AVEN: variants seen among roughly 807,000 people sequenced by gnomAD.
AVEN encodes the protein cell death regulator Aven.
Under a neutral mutation model 38.1 loss-of-function variants are expected in AVEN, and 41 were observed. That is an observed-to-expected ratio of 1.08 (90% CI 0.84 to 1.40). The LOEUF is 1.40. Ranked by LOEUF, AVEN falls within the 40% of genes most tolerant of loss-of-function variation. The probability of loss-of-function intolerance (pLI) is 0.00; values close to 1 mark genes in which losing one functional copy is unlikely to be tolerated. For synonymous variants in AVEN, 206 were observed against 171.8 expected, an observed-to-expected ratio of 1.20 and a Z score of -1.56; for missense variants, 605 against 438.8, an observed-to-expected ratio of 1.38 and a Z score of -3.38.
Position 34,063,072 on chromosome 15 carries a change from A to G in AVEN, n.1487T>C. On this transcript the variant is annotated non_coding_transcript_exon_variant, in exon 5 of 12. Transcript: ENST00000675287. This position sits in a 1 kb window ranked among gnomAD's most constrained non-coding sequence, Gnocchi z 4.1. ...CTACGTGGCCAGCAACGCTTCTGTC[A>G]TGAACCTTCTGGTGATCAGTTTTGA... 1 of 1,614,186 alleles carries G rather than the reference A, an allele frequency of 6.2e-7. No homozygotes were observed. The highest frequency in any genetic ancestry group is 8.5e-7 in the Non-Finnish European group (1 of 1,180,042).
intron 2 of AVEN, among the ~76,000 whole-genome samples, chr15:33,967,572 G>C (rs1448107222): frequency 1.3e-5 from 2 of 151,818 alleles, no homozygotes; most frequent in Admixed American, 6.6e-5. Context: ...TTATTTTTCA[G>C]AGTTTTGTGT....
intron 1 of AVEN, among the ~76,000 whole-genome samples, chr15:34,013,154 T>C (rs1237919656): frequency 1.3e-5 from 2 of 151,922 alleles, no homozygotes; most frequent in Admixed American, 6.6e-5. Flanking sequence ...CTCTGCCTCC[T>C]GGGTTCAAGC....
chr15:33,882,194 CAAT>C (rs1891514403), intron 2 of AVEN, among the ~76,000 whole-genome samples: 1 of 152,220 alleles, frequency 6.6e-6, no homozygotes, highest in South Asian at 2.1e-4. Flanking sequence ...GCTTAAAAAA[CAAT>C]AAAAATCCCA....
At chr15:33,921,887 G>A (rs114685923) in intron 2 of AVEN, among the ~76,000 whole-genome samples, 1,658 of 152,242 alleles carry the variant, frequency 0.011, 24 homozygotes, top group African/African-American at 0.038. Flanking sequence ...GGGAAAAAAT[G>A]GTTAGCAGCA....
chr15:33,948,685 GT>G (rs1178413170), intron 2 of AVEN, among the ~76,000 whole-genome samples: 1 of 151,758 alleles, frequency 6.6e-6, no homozygotes, highest in Non-Finnish European at 1.5e-5. Flanking sequence ...TTGTTTATTT[GT>G]TTTTAAGACA....
At chr15:33,945,231 C>T (rs1334815030) in intron 2 of AVEN, among the ~76,000 whole-genome samples, 1 of 152,116 alleles carries the variant, frequency 6.6e-6, no homozygotes, top group Non-Finnish European at 1.5e-5. Flanking sequence ...AAGAACAAGC[C>T]CACTTCCCTT....
intron 1 of AVEN, among the ~76,000 whole-genome samples, chr15:34,015,487 A>AT (rs1200249699): frequency 6.8e-6 from 1 of 146,622 alleles, no homozygotes; most frequent in African/African-American, 2.6e-5. Flanking sequence ...ATCTCAAAAA[A>AT]TAAAAAAAAA....
intron 2 of AVEN, among the ~76,000 whole-genome samples, chr15:33,912,248 A>G (rs1892944783): frequency 1.3e-5 from 2 of 152,230 alleles, no homozygotes; most frequent in African/African-American, 2.4e-5. Context: ...AGGCATAAAT[A>G]TTAGTGCTCC....
At chr15:34,042,388 T>A (rs1210066053), upstream of AVEN, among the ~76,000 whole-genome samples, 1 of 151,164 alleles carries the variant, frequency 6.6e-6, no homozygotes, top group Non-Finnish European at 1.5e-5. Context: ...AATACATACA[T>A]GACCTAAGTT....
intron 1 of AVEN, among the ~76,000 whole-genome samples, chr15:34,023,226 C>G (rs190438192): frequency 6.6e-6 from 1 of 152,110 alleles, no homozygotes; most frequent in Admixed American, 6.6e-5. Flanking sequence ...CCCCTCTCAT[C>G]CCCCACTCAG....
intron 2 of AVEN, among the ~76,000 whole-genome samples, chr15:33,967,275 T>C (rs1054678496): frequency 6.6e-6 from 1 of 152,124 alleles, no homozygotes; most frequent in African/African-American, 2.4e-5. Context: ...GTGTATACTT[T>C]GTCTGGATTC....
chr15:33,888,121 T>G (rs1246377626), intron 2 of AVEN, among the ~76,000 whole-genome samples: 1 of 152,100 alleles, frequency 6.6e-6, no homozygotes, highest in Admixed American at 6.6e-5. Flanking sequence ...AAAAAAAATA[T>G]AAAGCTACAC....
intron 1 of AVEN, among the ~76,000 whole-genome samples, chr15:34,034,369 A>G (rs572177112): frequency 5.3e-5 from 8 of 151,838 alleles, no homozygotes; most frequent in Non-Finnish European, 1.2e-4. Flanking sequence ...TGAGTACAGC[A>G]GTTGAAGGCA....
At chr15:33,952,186 A>T (rs1188794252) in intron 2 of AVEN, among the ~76,000 whole-genome samples, 1 of 152,254 alleles carries the variant, frequency 6.6e-6, no homozygotes, top group Non-Finnish European at 1.5e-5. Context: ...AACAGGTGGA[A>T]ATGATATTAT....
chr15:33,999,995 G>A (rs938918844), intron 2 of AVEN, among the ~76,000 whole-genome samples: 11 of 152,108 alleles, frequency 7.2e-5, no homozygotes, highest in African/African-American at 4.8e-5. Flanking sequence ...ATTCGCTCAC[G>A]TTGCTTCTGC....
chr15:34,039,097 A>C lies in AVEN; in HGVS notation c.-51T>G. 1 of 1,067,588 alleles carries C rather than the reference A, an allele frequency of 9.4e-7. No homozygotes were observed. Among genetic ancestry groups the C allele is most frequent in the Non-Finnish European group, 1.1e-6 (1 of 883,734 alleles). 66.1% of individuals were successfully genotyped at this position (1,067,588 alleles called of 1,614,324 possible). ...GCGCGGGAGCCGAGCTGCGGCGGAGACGCCCTGGCCCCACCGGAAGCGGGC... is the reference window on the plus strand; with the variant it reads ...GCGCGGGAGCCGAGCTGCGGCGGAGCCGCCCTGGCCCCACCGGAAGCGGGC... On this transcript the variant is annotated 5_prime_UTR_variant, in exon 1 of 6. Coordinates refer to ENST00000306730, the MANE Select transcript of AVEN (RefSeq NM_020371.3).
intron 5 of AVEN, 37 bp downstream of exon 5, chr15:33,867,458 G>T (rs750856935): frequency 1.3e-6 from 2 of 1,536,564 alleles, no homozygotes; most frequent in African/African-American, 2.8e-5. Context: ...AAAAACACCA[G>T]AATCAAGATT....
intron 2 of AVEN, among the ~76,000 whole-genome samples, chr15:33,975,775 C>T (rs568942888): frequency 6.6e-6 from 1 of 152,176 alleles, no homozygotes; most frequent in South Asian, 2.1e-4. Flanking sequence ...ACTGAGAATA[C>T]AAAAATTAGC....
Position 33,875,909 on chromosome 15 carries a change from ACAACTCTTATCTTAC to A in AVEN, c.516+1_516+15del. On this transcript the variant is annotated splice_donor_variant and splice_donor_5th_base_variant and intron_variant, in intron 3 of 5. Transcript: ENST00000306730. LOFTEE classifies it high-confidence loss of function. ...GAAGAAGAGCCAGTCCACACTTAACACAACTCTTATCTTACCTGTTTTGGACAAGAAGCTTCACTA... is the reference window on the plus strand; with the variant it reads ...GAAGAAGAGCCAGTCCACACTTAACACTGTTTTGGACAAGAAGCTTCACTA... 1 of 1,609,966 alleles carries A rather than the reference ACAACTCTTATCTTAC, an allele frequency of 6.2e-7. No homozygotes were observed.
Sources: allele counts gnomAD v4.1 joint callset (sites outside exome capture counted in the v4.1 genomes callset), GRCh38; gene constraint gnomAD v4.1.1; non-coding constraint Gnocchi (gnomAD v3.1); transcripts MANE v1.5; gene names NCBI Gene and HGNC (gene_info 2026-07-23, HGNC 2026-07-21).